Variants in ST8SIA1 observed in about 807,000 individuals in gnomAD.
ST8SIA1 encodes the protein ST8 alpha-N-acetyl-neuraminide alpha-2,8-sialyltransferase 1.
Under a neutral mutation model 35.9 loss-of-function variants are expected in ST8SIA1, and 16 were observed. The observed-to-expected ratio is 0.45, with a 90% CI of 0.30 to 0.68. The LOEUF is 0.68. ST8SIA1 is among the 30% of genes least tolerant of loss of function. The pLI, the probability that ST8SIA1 is intolerant of heterozygous loss-of-function variation, is 0.09. For missense variants in ST8SIA1, 383 were observed against 453.6 expected, an observed-to-expected ratio of 0.84 and a Z score of 1.41; for synonymous variants, 170 against 169.6, an observed-to-expected ratio of 1.00 and a Z score of -0.02.
rs911937839 is a variant in ST8SIA1, at chr12:22,220,824, G to A, written c.585-18786C>T. ...GTCCTTGGGACCTGGCACTGGTGGT[G>A]TCTGCATGGCTGGTATGTCTGGTTT... On this transcript the variant is annotated intron_variant, in intron 4 of 4. Coordinates refer to ENST00000396037, the MANE Select transcript of ST8SIA1 (RefSeq NM_003034.4). Among the ~76,000 whole-genome samples the A allele has an allele frequency of 8.5e-5, 13 of 152,300 alleles. No individual in the cohort carries two copies. The East Asian group carries it at 1.2e-3, about 14-fold the overall frequency.
chr12:22,270,757 C>A (rs145804951), intron 2 of ST8SIA1, among the ~76,000 whole-genome samples: 2 of 152,070 alleles, frequency 1.3e-5, no homozygotes, highest in African/African-American at 2.4e-5. Context: ...TTCACTGCTA[C>A]GCAGTATATC....
At chr12:22,301,229 G>T (rs1372972337) in intron 1 of ST8SIA1, among the ~76,000 whole-genome samples, 1 of 151,966 alleles carries the variant, frequency 6.6e-6, no homozygotes, top group Non-Finnish European at 1.5e-5. Flanking sequence ...TTGAATGAAG[G>T]TGTCTGATAA....
At chr12:22,270,845 TA>T (rs1393782060) in intron 2 of ST8SIA1, among the ~76,000 whole-genome samples, 1 of 152,252 alleles carries the variant, frequency 6.6e-6, no homozygotes, top group African/African-American at 2.4e-5. Flanking sequence ...ATTGAAATTT[TA>T]AAAGAAGAAA....
At chr12:22,223,648 T>TCTGATTCTGA in intron 4 of ST8SIA1, 1 of 1,154,086 alleles carries the variant, frequency 8.7e-7, no homozygotes, top group South Asian at 1.7e-5. Flanking sequence ...TGGCAGGGAT[T>TCTGATTCTGA]CTGATTCTGA....
rs919708379 is a variant in ST8SIA1 at position 22,229,075 on chromosome 12, T to G, written c.584+19931A>C. ...TCTCCAAAAAAAAAAAAAAAAAAAG[T>G]AATGGGGAGCCAGTGAAGAATATTG... On this transcript the variant is annotated intron_variant, in intron 4 of 4. Coordinates refer to ENST00000396037, the MANE Select transcript of ST8SIA1 (RefSeq NM_003034.4). Among the ~76,000 whole-genome samples, 192 of 88,988 alleles carry G rather than the reference T, an allele frequency of 2.2e-3. 1 individual carries two copies. Among genetic ancestry groups the G allele is most frequent in the Non-Finnish European group, 3.1e-3 (127 of 41,044 alleles). The allele number at this position is 88,988 out of a possible 152,430, so 58.4% of individuals were successfully genotyped here.
At chr12:22,232,630 G>T (rs1414458480) in intron 4 of ST8SIA1, among the ~76,000 whole-genome samples, 1 of 152,086 alleles carries the variant, frequency 6.6e-6, no homozygotes, top group Non-Finnish European at 1.5e-5. Flanking sequence ...GTCATCAGAG[G>T]ATATACATAT....
intron 1 of ST8SIA1, among the ~76,000 whole-genome samples, chr12:22,291,925 A>G (rs920717516): frequency 6.6e-6 from 1 of 152,194 alleles, no homozygotes; most frequent in Admixed American, 6.5e-5. Context: ...TAGGAAAAAT[A>G]CCACATAATT....
intron 1 of ST8SIA1, chr12:22,333,719 T>C: frequency 1.7e-6 from 1 of 602,738 alleles, no homozygotes; most frequent in Non-Finnish European, 3.0e-6. Context: ...TGTTTATCCG[T>C]AAATTGTTAA....
chr12:22,225,465 GCAGA>G (rs1865346477), intron 4 of ST8SIA1, among the ~76,000 whole-genome samples: 1 of 152,078 alleles, frequency 6.6e-6, no homozygotes, highest in Non-Finnish European at 1.5e-5. Flanking sequence ...GAATTCCTGA[GCAGA>G]CAAAGCCAGT....
intron 1 of ST8SIA1, among the ~76,000 whole-genome samples, chr12:22,332,754 G>A (rs760622449): frequency 1.3e-5 from 2 of 152,198 alleles, no homozygotes; most frequent in African/African-American, 4.8e-5. Flanking sequence ...GCCTGAGAAG[G>A]AGATGGAAAC....
intron 2 of ST8SIA1, among the ~76,000 whole-genome samples, chr12:22,281,659 CA>C (rs1490267221): frequency 1.3e-5 from 2 of 152,022 alleles, no homozygotes; most frequent in Non-Finnish European, 2.9e-5. Flanking sequence ...TGTATAGCTA[CA>C]CTCTACTTTT....
intron 1 of ST8SIA1, chr12:22,325,774 A>G: frequency 1.5e-6 from 1 of 664,396 alleles, no homozygotes. Flanking sequence ...CTAATAATAA[A>G]ATAGAACAAT....
chr12:22,255,124 T>G (rs1022595587), intron 3 of ST8SIA1, among the ~76,000 whole-genome samples, 156 bp downstream of exon 3: 13 of 152,000 alleles, frequency 8.6e-5, no homozygotes, highest in African/African-American at 2.7e-4. Flanking sequence ...CTTACCCCTC[T>G]CCTAAACTCG....
At chr12:22,270,729 T>A (rs1865903232) in intron 2 of ST8SIA1, among the ~76,000 whole-genome samples, 2 of 152,194 alleles carry the variant, frequency 1.3e-5, no homozygotes, top group Non-Finnish European at 2.9e-5. Flanking sequence ...TGGTGATGGA[T>A]ACACTAAAAG....
rs577784502 is a variant in ST8SIA1 at position 22,248,048 on chromosome 12, T to C, written c.584+958A>G. Among the ~76,000 whole-genome samples the C allele has an allele frequency of 2.6e-5, 4 of 152,320 alleles. No individual in the cohort carries two copies. In the East Asian group the frequency reaches 7.7e-4, roughly 29 times the overall value. ...GGGTAACAAGCAGTCTTATCCATTA[T>C]TGAAGATAAATGGTACATTTGGGGA... On this transcript the variant is annotated intron_variant, in intron 4 of 4. Coordinates refer to ENST00000396037, the MANE Select transcript of ST8SIA1 (RefSeq NM_003034.4).
chr12:22,292,274 A>T (rs1866186273), intron 1 of ST8SIA1, among the ~76,000 whole-genome samples: 1 of 152,232 alleles, frequency 6.6e-6, no homozygotes, highest in African/African-American at 2.4e-5. Context: ...ACAATAGAGA[A>T]TTCCTCATAT....
chr12:22,216,520 G>A (rs1299361277), intron 4 of ST8SIA1, among the ~76,000 whole-genome samples: 2 of 152,104 alleles, frequency 1.3e-5, no homozygotes, highest in African/African-American at 4.8e-5. Flanking sequence ...TCAACTCATG[G>A]TATCTACTAT....
chr12:22,306,685 T>C (rs967472170), intron 1 of ST8SIA1, among the ~76,000 whole-genome samples: 1 of 152,168 alleles, frequency 6.6e-6, no homozygotes, highest in African/African-American at 2.4e-5. Context: ...GCCTTGGATA[T>C]GTCTTTTTAT....
At chr12:22,281,816 C>T (rs1222619539) in intron 2 of ST8SIA1, among the ~76,000 whole-genome samples, 1 of 72,532 alleles carries the variant, frequency 1.4e-5, no homozygotes, top group Non-Finnish European at 2.5e-5. Context: ...AACCTTGTCT[C>T]TACAAAAAAA....
Sources: gnomAD v4.1 joint callset for allele counts (sites outside exome capture counted in the v4.1 genomes callset) on GRCh38, gnomAD v4.1.1 for gene constraint, MANE v1.5 for transcripts, NCBI Gene and HGNC (gene_info 2026-07-23, HGNC 2026-07-21) for gene names.